CNGB1: variants seen among roughly 807,000 people sequenced by gnomAD.
CNGB1 encodes cyclic nucleotide-gated channel beta-1.
In CNGB1, 126 loss-of-function variants were observed where a neutral mutation model predicts 151.7. The observed-to-expected ratio is 0.83, with a 90% CI of 0.72 to 0.96. The LOEUF (loss-of-function observed/expected upper bound fraction) is 0.96, where lower values mean the gene tolerates loss of function less well. Ranked by LOEUF, CNGB1 falls within the 40% of genes least tolerant of loss-of-function variation. The pLI is 0.00. For synonymous variants in CNGB1, 623 were observed against 635.1 expected, an observed-to-expected ratio of 0.98 and a Z score of 0.29; for missense variants, 1,698 against 1,627.0, an observed-to-expected ratio of 1.04 and a Z score of -0.75.
At chr16:57,949,571 C>A in intron 13 of CNGB1, 132 bp from the exon 14 acceptor site, 1 of 1,444,986 alleles carries the variant, frequency 6.9e-7, no homozygotes, top group Admixed American at 1.7e-5. Flanking sequence ...CAAGGCTCAA[C>A]CTGGGGAGCC....
At chr16:57,911,367 C>A (rs1193328467) in intron 25 of CNGB1, among the ~76,000 whole-genome samples, 3 of 152,214 alleles carry the variant, frequency 2.0e-5, no homozygotes, top group Non-Finnish European at 1.5e-5. Flanking sequence ...CGGCTCATTG[C>A]AACCTCCGCC....
intron 31 of CNGB1, 132 bp from the exon 32 acceptor site, chr16:57,888,206 T>A: frequency 1.1e-6 from 1 of 920,384 alleles, no homozygotes; most frequent in Non-Finnish European, 1.7e-6. Context: ...GAGAGTTTTT[T>A]CTGGGCCAAG....
intron 10 of CNGB1, among the ~76,000 whole-genome samples, chr16:57,959,291 G>C (rs1467195061): frequency 6.6e-6 from 1 of 151,362 alleles, no homozygotes; most frequent in Non-Finnish European, 1.5e-5. Flanking sequence ...GCACTTCTAA[G>C]ACACATTTTT....
chr16:57,885,869 C>G (rs1291681063), intron 32 of CNGB1, among the ~76,000 whole-genome samples: 3 of 152,146 alleles, frequency 2.0e-5, no homozygotes, highest in African/African-American at 7.2e-5. Context: ...GCTGGGATGA[C>G]AGGGGTGAGC....
intron 22 of CNGB1, 76 bp from the exon 23 acceptor site, chr16:57,915,411 G>T: frequency 8.8e-7 from 1 of 1,138,250 alleles, no homozygotes; most frequent in Non-Finnish European, 1.3e-6. Flanking sequence ...GAGAGGCGGA[G>T]TCTCTCCCTT....
At chr16:57,904,632 C>T in intron 26 of CNGB1, 102 bp downstream of exon 26, 2 of 1,542,908 alleles carry the variant, frequency 1.3e-6, no homozygotes, top group South Asian at 1.1e-5. Flanking sequence ...CTTTCCCAGG[C>T]TTAATCCAAA....
At chr16:57,949,546 C>A in intron 13 of CNGB1, 107 bp from the exon 14 acceptor site, 1 of 1,571,522 alleles carries the variant, frequency 6.4e-7, no homozygotes, top group Non-Finnish European at 8.7e-7. Flanking sequence ...TGAGCCCAGA[C>A]CTGGACTTTC....
chr16:57,964,878 G>A (rs1200716520), intron 2 of CNGB1, among the ~76,000 whole-genome samples: 4 of 152,164 alleles, frequency 2.6e-5, no homozygotes, highest in African/African-American at 9.7e-5. Flanking sequence ...TAGTTATGAA[G>A]CCTTGGGGCT....
intron 7 of CNGB1, 139 bp downstream of exon 7, chr16:57,962,426 G>A: frequency 1.2e-6 from 1 of 803,304 alleles, no homozygotes. Context: ...TTCTATGGCT[G>A]GAAACAGGCC....
chr16:57,967,078 G>C, intron 2 of CNGB1, 50 bp downstream of exon 2: 1 of 1,613,096 alleles, frequency 6.2e-7, no homozygotes. Context: ...AAACTGGGAA[G>C]ACCCTGAGCA....
chr16:57,949,207 C>T (rs1382444827), intron 14 of CNGB1, 146 bp downstream of exon 14: 10 of 1,454,012 alleles, frequency 6.9e-6, no homozygotes, highest in Admixed American at 5.6e-5. Context: ...CCCAGCTTCT[C>T]GCAGCCTCTT....
Position 57,920,561 on chromosome 16 carries a change from C to G in CNGB1, c.1644-17G>C, listed in dbSNP as rs779660441. The G allele has an allele frequency of 5.0e-6, 8 of 1,610,308 alleles. No individual in the cohort carries two copies. The highest frequency in any genetic ancestry group is 1.1e-5 in the South Asian group (1 of 90,996). Reference sequence around the variant, plus strand: ...TCCTGGCCACTGTGGGAACATCACCCAAAGCTGAGCAGGCTGAGCCGGGAG... The same window carrying G: ...TCCTGGCCACTGTGGGAACATCACCGAAAGCTGAGCAGGCTGAGCCGGGAG... On this transcript the variant is annotated splice_polypyrimidine_tract_variant and intron_variant, in intron 18 of 32. Coordinates refer to ENST00000251102, the MANE Select transcript of CNGB1 (RefSeq NM_001297.5).
chr16:57,924,667 C>T (rs1961137708), intron 17 of CNGB1, among the ~76,000 whole-genome samples: 1 of 152,096 alleles, frequency 6.6e-6, no homozygotes, highest in Non-Finnish European at 1.5e-5. Context: ...GTGACCGCAC[C>T]AAATCTCATG....
intron 25 of CNGB1, among the ~76,000 whole-genome samples, chr16:57,910,498 C>T (rs1960678850): frequency 6.6e-6 from 1 of 152,060 alleles, no homozygotes; most frequent in Non-Finnish European, 1.5e-5. Flanking sequence ...CCTCAGCCTC[C>T]CGAGTAACTG....
intron 2 of CNGB1, among the ~76,000 whole-genome samples, chr16:57,965,209 A>G (rs1962360952): frequency 7.3e-6 from 1 of 136,696 alleles, no homozygotes; most frequent in Non-Finnish European, 1.6e-5. Context: ...AATGACACAC[A>G]AATACCAACA....
intron 14 of CNGB1, among the ~76,000 whole-genome samples, chr16:57,941,752 G>C (rs1164849672): frequency 6.6e-6 from 1 of 152,184 alleles, no homozygotes; most frequent in African/African-American, 2.4e-5. Flanking sequence ...CATACCTAAT[G>C]GTGAAAAGCT....
intron 15 of CNGB1, 151 bp downstream of exon 15, chr16:57,940,083 G>T: frequency 1.3e-6 from 1 of 777,958 alleles, no homozygotes; most frequent in Non-Finnish European, 2.2e-6. Flanking sequence ...TGCCAAGAGG[G>T]GGCCTCGCAG....
intron 12 of CNGB1, chr16:57,955,361 C>T (rs1266284047): frequency 6.4e-7 from 1 of 1,551,638 alleles, no homozygotes; most frequent in Non-Finnish European, 8.7e-7. Flanking sequence ...CTCCAGCTCC[C>T]ATCACCCCTG....
At chr16:57,942,529 A>G (rs557322699) in intron 14 of CNGB1, among the ~76,000 whole-genome samples, 2 of 152,324 alleles carry the variant, frequency 1.3e-5, no homozygotes, top group South Asian at 4.1e-4. Flanking sequence ...CAAGAAGGTG[A>G]CAGAACCATA....
Sources: gnomAD v4.1 joint callset for allele counts (sites outside exome capture counted in the v4.1 genomes callset) on GRCh38, gnomAD v4.1.1 for gene constraint, MANE v1.5 for transcripts, NCBI Gene and HGNC (gene_info 2026-07-23, HGNC 2026-07-21) for gene names.